Variants in TATDN1 observed in about 807,000 individuals in gnomAD.
TATDN1 encodes the protein TatD DNase domain containing 1, also known as deoxyribonuclease TATDN1.
TATDN1 carries 40 observed loss-of-function variants against 46.4 expected under a neutral mutation model. The ratio of observed to expected loss-of-function variants is 0.86; its 90% CI spans 0.67 to 1.12. TATDN1 has a LOEUF of 1.12. TATDN1 is among the 50% of genes most tolerant of loss of function. The pLI, the probability that TATDN1 is intolerant of heterozygous loss-of-function variation, is 0.00. For missense variants in TATDN1, 326 were observed against 348.4 expected (o/e 0.94, Z 0.51); for synonymous variants, 95 against 105.6 (o/e 0.90, Z 0.62).
chr8:124,514,284 G>C (rs183517368), intron 6 of TATDN1, among the ~76,000 whole-genome samples: 346 of 152,226 alleles, frequency 2.3e-3, no homozygotes, highest in Non-Finnish European at 3.6e-3. Context: ...GAAGCGGGAG[G>C]AAGTACACTT....
At chr8:124,516,476 A>ATT (rs536653635) in intron 4 of TATDN1, among the ~76,000 whole-genome samples, 3 of 144,524 alleles carry the variant, frequency 2.1e-5, no homozygotes, top group African/African-American at 2.5e-5. Context: ...CTAATTTTTA[A>ATT]TTTTTTTTTT....
chr8:124,518,544 C>T (rs927621172), intron 4 of TATDN1, among the ~76,000 whole-genome samples: 1 of 150,088 alleles, frequency 6.7e-6, no homozygotes, highest in Admixed American at 6.6e-5. Context: ...AAAAAACACA[C>T]CTGAGGTTAA....
intron 1 of TATDN1, among the ~76,000 whole-genome samples, chr8:124,524,336 T>A (rs918266578): frequency 5.9e-5 from 9 of 152,252 alleles, no homozygotes; most frequent in African/African-American, 2.2e-4. Flanking sequence ...TTAAAAGGGC[T>A]ATTAACATAT....
At chr8:124,498,126 G>A (rs945876933) in intron 9 of TATDN1, among the ~76,000 whole-genome samples, 1 of 151,812 alleles carries the variant, frequency 6.6e-6, no homozygotes, top group Admixed American at 6.6e-5. Context: ...CACCTCATTC[G>A]TCTGGTGGTC....
chr8:124,531,538 A>G lies in TATDN1; in HGVS notation c.22+7487T>C, dbSNP rs187660626. On this transcript the variant is annotated intron_variant, in intron 1 of 11. Coordinates refer to ENST00000276692, the MANE Select transcript of TATDN1 (RefSeq NM_032026.4). ...GGAATTCAGTGGGAACACCCTAGAT[A>G]GGAATGGTTTTTCTCAAGCAGCATT... Among the ~76,000 whole-genome samples, 16 of 152,298 alleles carry G rather than the reference A, an allele frequency of 1.1e-4. No homozygotes were observed. In the Middle Eastern group the frequency reaches 0.024, roughly 227 times the overall value.
intron 1 of TATDN1, among the ~76,000 whole-genome samples, chr8:124,536,473 G>A (rs978054976): frequency 1.3e-5 from 2 of 152,148 alleles, no homozygotes; most frequent in Non-Finnish European, 2.9e-5. Flanking sequence ...CTTGAGCCTA[G>A]GAGGTCAATG....
chr8:124,510,247 T>A (rs542382244), intron 6 of TATDN1, among the ~76,000 whole-genome samples: 1 of 152,308 alleles, frequency 6.6e-6, no homozygotes, highest in African/African-American at 2.4e-5. Flanking sequence ...GAGATTTTGA[T>A]AATATAACCA....
At chr8:124,500,336 A>G (rs1817847186) in intron 9 of TATDN1, among the ~76,000 whole-genome samples, 1 of 152,254 alleles carries the variant, frequency 6.6e-6, no homozygotes, top group African/African-American at 2.4e-5. Flanking sequence ...TCTGAAGCTA[A>G]TATTAATGTA....
chr8:124,491,787 G>A (rs1817017694), intron 11 of TATDN1: 1 of 152,188 alleles, frequency 6.6e-6, no homozygotes, highest in African/African-American at 2.4e-5. Flanking sequence ...ATGTAAAACT[G>A]TTAACAGAAT....
intron 11 of TATDN1, among the ~76,000 whole-genome samples, chr8:124,492,906 C>T (rs1026514484): frequency 2.6e-5 from 4 of 152,100 alleles, no homozygotes; most frequent in Admixed American, 2.6e-4. Flanking sequence ...TGAGCTCAAG[C>T]AGTCTTCCCA....
chr8:124,501,213 G>A (rs1266466293), intron 9 of TATDN1, among the ~76,000 whole-genome samples: 1 of 152,138 alleles, frequency 6.6e-6, no homozygotes, highest in Non-Finnish European at 1.5e-5. Context: ...CCAAAATACT[G>A]TCAGGGACAT....
chr8:124,518,489 A>C (rs1471876689), intron 4 of TATDN1, among the ~76,000 whole-genome samples: 2 of 150,596 alleles, frequency 1.3e-5, no homozygotes, highest in Non-Finnish European at 2.9e-5. Flanking sequence ...GCACCACTGC[A>C]CTTCAGCCTG....
chr8:124,535,731 G>A (rs968725252), intron 1 of TATDN1, among the ~76,000 whole-genome samples: 2 of 152,178 alleles, frequency 1.3e-5, no homozygotes, highest in South Asian at 4.1e-4. Context: ...CCTGAGACTG[G>A]GTGATTTATA....
intron 6 of TATDN1, among the ~76,000 whole-genome samples, chr8:124,515,102 T>C (rs1388669768): frequency 1.3e-5 from 2 of 152,182 alleles, no homozygotes; most frequent in African/African-American, 4.8e-5. Context: ...TAATACACTT[T>C]TAATATCCTT....
intron 9 of TATDN1, among the ~76,000 whole-genome samples, chr8:124,497,018 T>C (rs563080409): frequency 6.6e-6 from 1 of 152,232 alleles, no homozygotes; most frequent in Non-Finnish European, 1.5e-5. Context: ...CCAAATCTTC[T>C]AGTATTCAAA....
intron 11 of TATDN1, among the ~76,000 whole-genome samples, chr8:124,492,509 C>T (rs1341898832): frequency 2.0e-5 from 3 of 152,006 alleles, no homozygotes; most frequent in East Asian, 1.9e-4. Flanking sequence ...TGGTAGCTCA[C>T]GCCTGTAATC....
intron 1 of TATDN1, among the ~76,000 whole-genome samples, chr8:124,530,128 C>A (rs777822328): frequency 6.6e-6 from 1 of 151,542 alleles, no homozygotes; most frequent in Non-Finnish European, 1.5e-5. Context: ...ACAACAACAA[C>A]AAAGAAGGTC....
chr8:124,517,508 CTT>C (rs1228353748), intron 4 of TATDN1, among the ~76,000 whole-genome samples: 1 of 151,062 alleles, frequency 6.6e-6, no homozygotes. Context: ...AAAAATATAG[CTT>C]TTAGTAAGTT....
At chr8:124,514,936 TA>T (rs1308627395) in intron 6 of TATDN1, among the ~76,000 whole-genome samples, 2 of 152,178 alleles carry the variant, frequency 1.3e-5, no homozygotes, top group Non-Finnish European at 1.5e-5. Context: ...ATTGATCCTA[TA>T]ATACTTTTGT....
Sources: gnomAD v4.1 joint callset for allele counts (sites outside exome capture counted in the v4.1 genomes callset) on GRCh38, gnomAD v4.1.1 for gene constraint, MANE v1.5 for transcripts, NCBI Gene and HGNC (gene_info 2026-07-23, HGNC 2026-07-21) for gene names.